The following OPCML variants were observed in gnomAD, a reference collection of about 807,000 sequenced individuals.
The protein encoded by OPCML is opioid binding protein/cell adhesion molecule like, also known as opioid-binding protein/cell adhesion molecule.
A neutral mutation model predicts 37.8 loss-of-function variants in OPCML; 13 were observed. The observed-to-expected ratio is 0.34, with a 90% CI of 0.22 to 0.55. The LOEUF is 0.55. Among genes scored for constraint, OPCML ranks in the 20% least tolerant of loss-of-function variants. The pLI is 0.91. For synonymous variants in OPCML, 176 were observed against 168.8 expected, an observed-to-expected ratio of 1.04 and a Z score of -0.33; for missense variants, 341 against 435.6, an observed-to-expected ratio of 0.78 and a Z score of 1.93.
At chr11:133,020,243 A>G (rs1591918630) in intron 1 of OPCML, among the ~76,000 whole-genome samples, 1 of 152,222 alleles carries the variant, frequency 6.6e-6, no homozygotes, top group Non-Finnish European at 1.5e-5. Context: ...TGGTCGGCCC[A>G]TCTCAATGAG....
At chr11:133,335,891 C>T (rs1339420768) in intron 1 of OPCML, among the ~76,000 whole-genome samples, 2 of 152,018 alleles carry the variant, frequency 1.3e-5, no homozygotes, top group African/African-American at 4.8e-5. Flanking sequence ...GTCCTACCAA[C>T]CACAGAGAAC....
chr11:133,016,450 C>A (rs1193838684), intron 1 of OPCML, among the ~76,000 whole-genome samples: 1 of 152,192 alleles, frequency 6.6e-6, no homozygotes, highest in Non-Finnish European at 1.5e-5. Context: ...CTGTCAATTC[C>A]TCCTGCTACT....
At chr11:132,810,819 T>G (rs7114243) in intron 2 of OPCML, 140,446 of 152,244 alleles carry the variant, frequency 0.92, 65,466 homozygotes, top group African/African-American at 0.98. Flanking sequence ...GAAAAGGGTT[T>G]CCTGTTACCA....
At chr11:132,967,863 CTT>C (rs1248932853) in intron 1 of OPCML, among the ~76,000 whole-genome samples, 1 of 152,098 alleles carries the variant, frequency 6.6e-6, no homozygotes, top group Non-Finnish European at 1.5e-5. Context: ...CTAGAAATGT[CTT>C]TATTTCACCT....
chr11:133,196,884 A>G lies in OPCML; in HGVS notation c.62-253874T>C, dbSNP rs145469734. On this transcript the variant is annotated intron_variant, in intron 1 of 7. Coordinates refer to ENST00000524381, the MANE Select transcript of OPCML (RefSeq NM_001012393.5). ...TGTTCCTGTAACTGCAGTGACCCCAATGGCTTACTGGAAGCAGGCGCAATT... is the reference window on the plus strand; with the variant it reads ...TGTTCCTGTAACTGCAGTGACCCCAGTGGCTTACTGGAAGCAGGCGCAATT... Among the ~76,000 whole-genome samples the G allele has an allele frequency of 1.4e-4, 21 of 152,306 alleles. No homozygotes were observed. The East Asian group carries it at 2.7e-3, about 20-fold the overall frequency.
chr11:132,537,581 G>A (rs904352654), intron 3 of OPCML, among the ~76,000 whole-genome samples: 8 of 152,070 alleles, frequency 5.3e-5, no homozygotes, highest in African/African-American at 1.4e-4. Context: ...AGATAAACCG[G>A]ACTTCATTCA....
chr11:133,296,413 T>A (rs920491007), intron 1 of OPCML, among the ~76,000 whole-genome samples: 4 of 152,056 alleles, frequency 2.6e-5, no homozygotes, highest in African/African-American at 9.7e-5. Context: ...TACTGTGGAG[T>A]GAGGTTCATG....
chr11:132,558,475 TCC>T (rs1160722553), intron 3 of OPCML, among the ~76,000 whole-genome samples: 1 of 16,432 alleles, frequency 6.1e-5, no homozygotes, highest in African/African-American at 4.0e-4. Flanking sequence ...CATCCTGTCC[TCC>T]TCCACTCCTC....
At chr11:133,370,114 G>C (rs921370657) in intron 1 of OPCML, among the ~76,000 whole-genome samples, 2 of 152,166 alleles carry the variant, frequency 1.3e-5, no homozygotes, top group East Asian at 1.9e-4. Flanking sequence ...TTTTTGACTT[G>C]TGGCATCATG....
chr11:132,454,627 G>A (rs769016386), intron 4 of OPCML, among the ~76,000 whole-genome samples: 4 of 152,178 alleles, frequency 2.6e-5, no homozygotes, highest in Non-Finnish European at 5.9e-5. Flanking sequence ...TCGGGAACAT[G>A]GCAGCAGCCA....
chr11:132,805,693 G>A (rs958468711), intron 2 of OPCML, among the ~76,000 whole-genome samples: 10 of 152,174 alleles, frequency 6.6e-5, no homozygotes, highest in African/African-American at 9.7e-5. Context: ...ACAGGCAAGA[G>A]TGCAATAAAG....
chr11:133,288,327 G>A (rs1942362218), intron 1 of OPCML, among the ~76,000 whole-genome samples: 1 of 152,082 alleles, frequency 6.6e-6, no homozygotes, highest in Non-Finnish European at 1.5e-5. Context: ...ATTCCTGCTG[G>A]GATCTCTTCC....
At chr11:132,536,698 G>T (rs879918485) in intron 3 of OPCML, among the ~76,000 whole-genome samples, 1 of 152,008 alleles carries the variant, frequency 6.6e-6, no homozygotes, top group Non-Finnish European at 1.5e-5. Flanking sequence ...CTACCTTTTT[G>T]CATTTTAATA....
At chr11:132,955,525 T>C (rs563867396) in intron 1 of OPCML, among the ~76,000 whole-genome samples, 3 of 112,738 alleles carry the variant, frequency 2.7e-5, no homozygotes, top group African/African-American at 9.7e-5. Context: ...GAAGGTATTA[T>C]TTGATAAAGC....
At chr11:132,924,176 A>G (rs575399068) in intron 2 of OPCML, among the ~76,000 whole-genome samples, 8 of 151,954 alleles carry the variant, frequency 5.3e-5, no homozygotes, top group Non-Finnish European at 1.2e-4. Context: ...GAGAGAAAAG[A>G]GGAAGTAAAA....
At chr11:132,616,041 A>G (rs533135267) in intron 3 of OPCML, among the ~76,000 whole-genome samples, 1 of 152,308 alleles carries the variant, frequency 6.6e-6, no homozygotes, top group South Asian at 2.1e-4. Flanking sequence ...CTATTTGGGC[A>G]AAAAAAGATA....
chr11:132,550,374 G>A (rs1031181715), intron 3 of OPCML, among the ~76,000 whole-genome samples: 4 of 152,130 alleles, frequency 2.6e-5, no homozygotes, highest in African/African-American at 7.2e-5. Context: ...CCTCATGATA[G>A]TGAGTGAGTT....
At chr11:133,255,653 G>T (rs1178430998) in intron 1 of OPCML, among the ~76,000 whole-genome samples, 2 of 152,082 alleles carry the variant, frequency 1.3e-5, no homozygotes, top group African/African-American at 4.8e-5. Context: ...ATAAAAATTT[G>T]CAAAGGCCTA....
At chr11:133,286,865 C>A (rs1231367414) in intron 1 of OPCML, among the ~76,000 whole-genome samples, 6 of 152,194 alleles carry the variant, frequency 3.9e-5, no homozygotes, top group Non-Finnish European at 7.3e-5. Context: ...ATTTGTCGAG[C>A]ACCTACCCTA....
Sources: allele counts gnomAD v4.1 joint callset (sites outside exome capture counted in the v4.1 genomes callset), GRCh38; gene constraint gnomAD v4.1.1; transcripts MANE v1.5; gene names NCBI Gene and HGNC (gene_info 2026-07-23, HGNC 2026-07-21).